TNC: variants seen among roughly 807,000 people sequenced by gnomAD.
The protein encoded by TNC is tenascin.
TNC carries 109 observed loss-of-function variants against 202.4 expected under a neutral mutation model. The observed-to-expected ratio is 0.54, with a 90% CI of 0.46 to 0.63. The LOEUF (loss-of-function observed/expected upper bound fraction) is 0.63, where lower values mean the gene tolerates loss of function less well. TNC is among the 30% of genes least tolerant of loss of function. The pLI is 0.00. For missense variants in TNC, 2,756 were observed against 2,833.3 expected, an observed-to-expected ratio of 0.97 and a Z score of 0.62; for synonymous variants, 1,007 against 1,089.7, an observed-to-expected ratio of 0.92 and a Z score of 1.50.
intron 27 of TNC, among the ~76,000 whole-genome samples, chr9:115,021,824 G>C (rs1299260469): frequency 6.6e-6 from 1 of 152,128 alleles, no homozygotes; most frequent in East Asian, 1.9e-4. Flanking sequence ...TATCTTCTGA[G>C]CCTCGGTTTT....
intron 3 of TNC, among the ~76,000 whole-genome samples, chr9:115,085,173 C>G (rs1017209462): frequency 5.3e-5 from 8 of 152,084 alleles, no homozygotes; most frequent in African/African-American, 1.4e-4. Context: ...TTACTAAGCA[C>G]TTAATATGTA....
Position 115,057,152 on chromosome 9 carries a change from C to A in TNC, c.4579+1G>T, listed in dbSNP as rs1478756034. 1.9e-6 allele frequency: 3 copies of A among 1,609,414 alleles called. No individual in the cohort carries two copies. The highest frequency in any genetic ancestry group is 2.2e-5 in the South Asian group (2 of 90,322). Reference sequence around the variant, plus strand: ...TTAGAAATGGGAGAATGCACATGTACCTGTCGTGGCTGTGGCACTGATGGT... The same window carrying A: ...TTAGAAATGGGAGAATGCACATGTAACTGTCGTGGCTGTGGCACTGATGGT... On this transcript the variant is annotated splice_donor_variant, in intron 15 of 27. Transcript: ENST00000350763. LOFTEE classifies it high-confidence loss of function.
chr9:115,049,038 T>C (rs1831437663), intron 15 of TNC, among the ~76,000 whole-genome samples: 1 of 150,214 alleles, frequency 6.7e-6, no homozygotes, highest in Non-Finnish European at 1.5e-5. Context: ...ATTAGTGAGA[T>C]ATCCTCACAA....
intron 1 of TNC, among the ~76,000 whole-genome samples, chr9:115,095,590 ATATATGTATATATATATG>A (rs1326465075): frequency 4.1e-4 from 1 of 2,438 alleles, no homozygotes; most frequent in African/African-American, 7.9e-4. Context: ...ATATATGTAT[ATATATGTATATATATATG>A]TATATATGTA....
intron 18 of TNC, 44 bp from the exon 19 acceptor site, chr9:115,041,128 G>T: frequency 6.4e-7 from 1 of 1,573,074 alleles, no homozygotes; most frequent in South Asian, 1.2e-5. Flanking sequence ...GAACCTCACT[G>T]ACACTTATTC....
chr9:115,024,117 G>A lies in TNC; in HGVS notation c.6351C>T (p.His2117=). The change falls in exon 27 of 28, where the codon CAC becomes CAT. Residue 2117 remains histidine, a synonymous_variant. Coordinates refer to ENST00000350763, the MANE Select transcript of TNC (RefSeq NM_002160.4). ...SGTAGDSMAY[H]NGRSFSTFDK... ...CAAAGGTGGAGAAGGATCTGCCATT[G>A]TGGTAGGCCATGGAGTCACCTGGGA... 1.9e-6 allele frequency: 3 copies of A among 1,614,086 alleles called. No homozygotes were observed. Among genetic ancestry groups the A allele is most frequent in the Middle Eastern group, 1.6e-4 (1 of 6,062 alleles).
chr9:115,108,061 CATTG>C (rs1393501646), intron 1 of TNC, among the ~76,000 whole-genome samples: 2 of 152,144 alleles, frequency 1.3e-5, no homozygotes, highest in Non-Finnish European at 2.9e-5. Context: ...TGGCTGTGCT[CATTG>C]ATTGTCTTTG....
chr9:115,026,809 A>G (rs1829522919), intron 25 of TNC, 114 bp from the exon 26 acceptor site: 4 of 636,646 alleles, frequency 6.3e-6, no homozygotes, highest in South Asian at 4.2e-5. Context: ...AACTGGGCCC[A>G]GTGGCTCATG....
intron 27 of TNC, 121 bp from the exon 28 acceptor site, chr9:115,021,388 C>A (rs773110825): frequency 1.2e-5 from 8 of 674,560 alleles, no homozygotes; most frequent in Non-Finnish European, 1.5e-5. Context: ...AGTTCTGTTT[C>A]AATTTGACCA....
At chr9:115,050,247 G>GT (rs566069241) in intron 15 of TNC, among the ~76,000 whole-genome samples, 4 of 152,038 alleles carry the variant, frequency 2.6e-5, no homozygotes, top group Non-Finnish European at 5.9e-5. Flanking sequence ...CTCCTGTTTT[G>GT]TTTTTTTCTT....
intron 4 of TNC, 104 bp from the exon 5 acceptor site, chr9:115,082,911 G>C: frequency 2.6e-6 from 2 of 758,150 alleles, no homozygotes; most frequent in Non-Finnish European, 4.6e-6. Flanking sequence ...CAACAGTCAG[G>C]GGCTGACAAC....
chr9:115,035,117 A>T (rs1236102003), intron 22 of TNC, 87 bp downstream of exon 22: 4 of 1,458,250 alleles, frequency 2.7e-6, no homozygotes, highest in Non-Finnish European at 3.6e-6. Context: ...CTGGGGTAGA[A>T]AAACAGCATC....
intron 19 of TNC, among the ~76,000 whole-genome samples, chr9:115,039,847 C>T (rs1174566360): frequency 6.6e-6 from 1 of 152,204 alleles, no homozygotes; most frequent in Non-Finnish European, 1.5e-5. Flanking sequence ...GTGGAGAATC[C>T]ACTGATGAAA....
At chr9:115,092,293 A>G (rs1273335181) in intron 1 of TNC, among the ~76,000 whole-genome samples, 2 of 152,214 alleles carry the variant, frequency 1.3e-5, no homozygotes, top group Non-Finnish European at 2.9e-5. Flanking sequence ...GGAGGAGAAT[A>G]TGCTACCATG....
At chr9:115,089,115 C>T (rs1210498092) in intron 2 of TNC, among the ~76,000 whole-genome samples, 1 of 152,036 alleles carries the variant, frequency 6.6e-6, no homozygotes, top group Non-Finnish European at 1.5e-5. Context: ...TGCATTTTTC[C>T]AGGGAGTTGA....
rs757229760 is a variant in TNC at position 115,035,338 on chromosome 9, G to C, written c.5657-4C>G. The C allele has an allele frequency of 3.7e-6, 6 of 1,608,572 alleles. No homozygotes were observed. Among genetic ancestry groups the C allele is most frequent in the East Asian group, 2.2e-5 (1 of 44,530 alleles). On this transcript the variant is annotated splice_polypyrimidine_tract_variant and splice_region_variant and intron_variant, in intron 21 of 27. Coordinates refer to ENST00000350763, the MANE Select transcript of TNC (RefSeq NM_002160.4). ...AAGTCTCTTGGAGAATCGAGGTCTGGAGAAGACAGGATGATTAATATCGGA... is the reference window on the plus strand; with the variant it reads ...AAGTCTCTTGGAGAATCGAGGTCTGCAGAAGACAGGATGATTAATATCGGA...
Position 115,021,096 on chromosome 9 carries a change from T to G in TNC, c.*61A>C, listed in dbSNP as rs1270792942. 7.9e-6 allele frequency: 11 copies of G among 1,393,960 alleles called. No homozygotes were observed. The East Asian group carries it at 1.4e-4, about 17-fold the overall frequency. The allele number at this position is 1,393,960 out of a possible 1,614,324, so 86.3% of individuals were successfully genotyped here. ...TGGTTGGGCTGGTTGTATTGATGCT[T>G]TGGTAAAATCCTTTCCTCGCTCTGG... On this transcript the variant is annotated 3_prime_UTR_variant, in exon 28 of 28. Coordinates refer to ENST00000350763, the MANE Select transcript of TNC (RefSeq NM_002160.4).
intron 25 of TNC, among the ~76,000 whole-genome samples, chr9:115,027,118 A>AAAG (rs533643324): frequency 0.5 from 23,863 of 48,064 alleles, 2,164 homozygotes; most frequent in African/African-American, 0.52. Flanking sequence ...CAGAAAGCAA[A>AAAG]AAAAAAAAAA....
chr9:115,099,230 G>A (rs1836032304), intron 1 of TNC, among the ~76,000 whole-genome samples: 1 of 152,138 alleles, frequency 6.6e-6, no homozygotes, highest in Non-Finnish European at 1.5e-5. Context: ...TTGAACAAGT[G>A]TAAGAACGGG....
Sources: gnomAD v4.1 joint callset for allele counts (sites outside exome capture counted in the v4.1 genomes callset) on GRCh38, gnomAD v4.1.1 for gene constraint, MANE v1.5 for transcripts, NCBI Gene and HGNC (gene_info 2026-07-23, HGNC 2026-07-21) for gene names.